Variants in MAP3K5 observed in about 807,000 individuals in gnomAD.
The protein encoded by MAP3K5 is mitogen-activated protein kinase kinase kinase 5, also known as ASK-1.
A neutral mutation model predicts 158.7 loss-of-function variants in MAP3K5; 56 were observed. That is an observed-to-expected ratio of 0.35 (90% confidence interval 0.28 to 0.44). MAP3K5 has a LOEUF of 0.44. Among genes scored for constraint, MAP3K5 ranks in the 20% least tolerant of loss-of-function variants. The pLI is 1.00. For synonymous variants in MAP3K5, 579 were observed against 601.7 expected (o/e 0.96, Z 0.55); for missense variants, 1,294 against 1,674.8 (o/e 0.77, Z 3.97).
At chr6:136,673,596 G>A (rs1779574233) in intron 7 of MAP3K5, among the ~76,000 whole-genome samples, 1 of 151,264 alleles carries the variant, frequency 6.6e-6, no homozygotes, top group Non-Finnish European at 1.5e-5. Flanking sequence ...TACAATACCT[G>A]AAAACAATAA....
At chr6:136,604,974 A>G (rs912100160) in intron 19 of MAP3K5, among the ~76,000 whole-genome samples, 10 of 152,212 alleles carry the variant, frequency 6.6e-5, no homozygotes, top group African/African-American at 1.7e-4. Flanking sequence ...AAGGTGGTCA[A>G]TGGAAGTTAC....
chr6:136,665,656 T>C (rs923138185), intron 8 of MAP3K5, among the ~76,000 whole-genome samples: 1 of 152,160 alleles, frequency 6.6e-6, no homozygotes, highest in African/African-American at 2.4e-5. Context: ...TAAGAAGTGC[T>C]ATATTTCATC....
At chr6:136,571,949 C>G (rs1774388206) in intron 25 of MAP3K5, among the ~76,000 whole-genome samples, 1 of 152,194 alleles carries the variant, frequency 6.6e-6, no homozygotes, top group African/African-American at 2.4e-5. Context: ...CACCTCTACT[C>G]TATCTCATCT....
At chr6:136,768,463 T>C (rs953966567) in intron 1 of MAP3K5, among the ~76,000 whole-genome samples, 2 of 152,218 alleles carry the variant, frequency 1.3e-5, no homozygotes, top group African/African-American at 2.4e-5. Context: ...CCATTAGTCA[T>C]TAGGTAAATG....
intron 25 of MAP3K5, among the ~76,000 whole-genome samples, chr6:136,574,778 C>A (rs1048409714): frequency 6.6e-6 from 1 of 150,484 alleles, no homozygotes; most frequent in Admixed American, 6.6e-5. Flanking sequence ...AGGCTCCACC[C>A]CCTGGGGTTC....
intron 1 of MAP3K5, among the ~76,000 whole-genome samples, chr6:136,723,966 C>T (rs1373405961): frequency 1.3e-5 from 2 of 152,118 alleles, no homozygotes; most frequent in Non-Finnish European, 1.5e-5. Context: ...CCACACAGCC[C>T]AGCTGCCTCC....
intron 7 of MAP3K5, among the ~76,000 whole-genome samples, chr6:136,686,943 C>CA (rs1250851628): frequency 6.6e-6 from 1 of 151,964 alleles, no homozygotes; most frequent in Non-Finnish European, 1.5e-5. Flanking sequence ...CAGATGGAAC[C>CA]AAAAAAGAGC....
At chr6:136,582,251 CGTGTGTGTATACGTGTGTGTGTGT>C (rs1774918190) in intron 24 of MAP3K5, among the ~76,000 whole-genome samples, 1 of 144,812 alleles carries the variant, frequency 6.9e-6, no homozygotes, top group Admixed American at 7.1e-5. Flanking sequence ...TATGTGTACA[CGTGTGTGTATACGTGTGTGTGTGT>C]GTGTGTGTGT....
At chr6:136,764,197 C>T (rs973111084) in intron 1 of MAP3K5, among the ~76,000 whole-genome samples, 1 of 152,184 alleles carries the variant, frequency 6.6e-6, no homozygotes, top group Non-Finnish European at 1.5e-5. Flanking sequence ...CAAGTCCTTA[C>T]CCCTGTGCAT....
intron 7 of MAP3K5, among the ~76,000 whole-genome samples, chr6:136,672,192 G>A (rs1365599755): frequency 6.6e-6 from 1 of 152,156 alleles, no homozygotes; most frequent in African/African-American, 2.4e-5. Flanking sequence ...CAAGTAAGAT[G>A]TAGTCGTCTA....
At chr6:136,753,874 A>G (rs1783333282) in intron 1 of MAP3K5, among the ~76,000 whole-genome samples, 1 of 152,232 alleles carries the variant, frequency 6.6e-6, no homozygotes, top group Admixed American at 6.5e-5. Context: ...TTTGAAGTAA[A>G]GGGAGAACGC....
chr6:136,772,206 C>T (rs1443143975), intron 1 of MAP3K5, among the ~76,000 whole-genome samples: 5 of 151,656 alleles, frequency 3.3e-5, no homozygotes, highest in African/African-American at 9.7e-5. Context: ...CGTGAGCCAC[C>T]ACACCCAGCC....
chr6:136,738,401 C>T (rs771471336), intron 1 of MAP3K5, among the ~76,000 whole-genome samples: 16 of 152,008 alleles, frequency 1.1e-4, no homozygotes, highest in Non-Finnish European at 1.6e-4. Context: ...CAGAAATACC[C>T]GGCAGAGGAG....
intron 25 of MAP3K5, among the ~76,000 whole-genome samples, chr6:136,573,256 G>A (rs920783974): frequency 6.6e-6 from 1 of 152,176 alleles, no homozygotes. Flanking sequence ...TTCTTGAGCT[G>A]GGACATCCAC....
intron 1 of MAP3K5, among the ~76,000 whole-genome samples, chr6:136,780,332 T>C (rs566152884): frequency 6.6e-6 from 1 of 152,372 alleles, no homozygotes; most frequent in South Asian, 2.1e-4. Flanking sequence ...CCAACATTTA[T>C]ACTTATAGAA....
chr6:136,644,804 T>C (rs1778166754), intron 11 of MAP3K5, among the ~76,000 whole-genome samples: 1 of 152,162 alleles, frequency 6.6e-6, no homozygotes, highest in South Asian at 2.1e-4. Flanking sequence ...GGAGAGGGCT[T>C]GGCCCTCCTC....
chr6:136,602,072 C>T, intron 19 of MAP3K5, 93 bp from the exon 20 acceptor site: 1 of 930,242 alleles, frequency 1.1e-6, no homozygotes, highest in East Asian at 2.5e-5. Flanking sequence ...CCCAATGCAA[C>T]AAGATCCCTT....
intron 10 of MAP3K5, among the ~76,000 whole-genome samples, chr6:136,654,072 T>C (rs947066952): frequency 2.6e-5 from 4 of 152,232 alleles, no homozygotes; most frequent in African/African-American, 9.6e-5. Context: ...AAAAATATGT[T>C]GGCAAGATAA....
chr6:136,695,900 G>T (rs1248063196), intron 6 of MAP3K5, 51 bp downstream of exon 6: 6 of 1,085,926 alleles, frequency 5.5e-6, no homozygotes, highest in African/African-American at 3.1e-5. Context: ...AGAATTGCAG[G>T]TTACACAATA....
Sources: gnomAD v4.1 joint callset for allele counts (sites outside exome capture counted in the v4.1 genomes callset) on GRCh38, gnomAD v4.1.1 for gene constraint, MANE v1.5 for transcripts, NCBI Gene and HGNC (gene_info 2026-07-23, HGNC 2026-07-21) for gene names.